DOK5: variants seen among roughly 807,000 people sequenced by gnomAD.
DOK5 encodes downstream of tyrosine kinase 5.
Under a neutral mutation model 43.3 loss-of-function variants are expected in DOK5, and 27 were observed. The observed-to-expected ratio is 0.62, with a 90% confidence interval of 0.46 to 0.86. DOK5 has a LOEUF of 0.86. Ranked by LOEUF, DOK5 falls within the 40% of genes least tolerant of loss-of-function variation. DOK5 has a pLI of 0.00. For missense variants in DOK5, 373 were observed against 392.9 expected, an observed-to-expected ratio of 0.95 and a Z score of 0.43; for synonymous variants, 146 against 140.1, an observed-to-expected ratio of 1.04 and a Z score of -0.30.
At chr20:54,494,538 T>C (rs913414654) in intron 1 of DOK5, among the ~76,000 whole-genome samples, 4 of 152,220 alleles carry the variant, frequency 2.6e-5, no homozygotes, top group African/African-American at 7.2e-5. Flanking sequence ...GAGCTGGTAC[T>C]TAGTTGGGTG....
At chr20:54,505,551 A>G (rs979916293) in intron 1 of DOK5, among the ~76,000 whole-genome samples, 10 of 152,158 alleles carry the variant, frequency 6.6e-5, no homozygotes, top group African/African-American at 2.2e-4. Flanking sequence ...CAGTTCAAGG[A>G]GGGAAACAGA....
At chr20:54,630,430 C>T (rs754598378) in intron 6 of DOK5, among the ~76,000 whole-genome samples, 18 of 152,024 alleles carry the variant, frequency 1.2e-4, no homozygotes, top group Middle Eastern at 3.2e-3. Context: ...GTATGAGGAG[C>T]GACAGTTCAG....
intron 6 of DOK5, among the ~76,000 whole-genome samples, chr20:54,630,208 G>A (rs2146815526): frequency 6.6e-6 from 1 of 152,312 alleles, no homozygotes; most frequent in South Asian, 2.1e-4. Context: ...ACGGACCAAG[G>A]TGGTGGTGAT....
At chr20:54,605,807 C>T (rs1432652753) in intron 5 of DOK5, among the ~76,000 whole-genome samples, 4 of 152,196 alleles carry the variant, frequency 2.6e-5, no homozygotes, top group South Asian at 2.1e-4. Flanking sequence ...ACAAAATCCC[C>T]GTCTACAGGG....
intron 6 of DOK5, among the ~76,000 whole-genome samples, chr20:54,638,046 C>T (rs60716261): frequency 0.1 from 14,754 of 147,386 alleles, 2,045 homozygotes; most frequent in African/African-American, 0.32. Context: ...GGTGTGAACC[C>T]GGGAGGCGGA....
chr20:54,504,924 T>A (rs1982750870), intron 1 of DOK5, among the ~76,000 whole-genome samples: 1 of 152,120 alleles, frequency 6.6e-6, no homozygotes, highest in African/African-American at 2.4e-5. Context: ...AGAGACCTCA[T>A]GACTTTGAGT....
intron 6 of DOK5, among the ~76,000 whole-genome samples, chr20:54,625,193 G>C (rs1987097862): frequency 6.6e-6 from 1 of 152,188 alleles, no homozygotes; most frequent in South Asian, 2.1e-4. Flanking sequence ...CCAAACATCT[G>C]TCAGAGCTGG....
intron 2 of DOK5, among the ~76,000 whole-genome samples, chr20:54,581,537 T>G (rs530208906): frequency 8.7e-4 from 132 of 152,032 alleles, no homozygotes; most frequent in African/African-American, 2.9e-3. Context: ...GCCTTTCAAT[T>G]TATCTGTGTC....
At position 54,591,597 on chromosome 20, in the gene DOK5, C is replaced by T. The variant is rs371582963; in HGVS notation, c.410-19C>T. 3.9e-5 allele frequency: 60 copies of T among 1,545,910 alleles called. No homozygotes were observed. The highest frequency in any genetic ancestry group is 4.9e-5 in the Non-Finnish European group (56 of 1,141,916). ...TTTATTCCTGGGGATTTTAGACTAA[C>T]CTTTTGTTTTTCTCCCAGAGAGATT... On this transcript the variant is annotated intron_variant, in intron 4 of 7. Transcript: ENST00000262593.
chr20:54,532,206 T>C (rs1026580046), intron 1 of DOK5, among the ~76,000 whole-genome samples: 1 of 152,134 alleles, frequency 6.6e-6, no homozygotes, highest in Non-Finnish European at 1.5e-5. Context: ...GACAACCCAG[T>C]GTGGTAGATA....
At chr20:54,644,129 A>T (rs1161777358) in intron 7 of DOK5, among the ~76,000 whole-genome samples, 1 of 152,182 alleles carries the variant, frequency 6.6e-6, no homozygotes, top group Non-Finnish European at 1.5e-5. Flanking sequence ...GTTTTGGTGG[A>T]TGGGGCCCTG....
In DOK5 at chr20:54,577,998, T is replaced by C. The variant is rs531555217; in HGVS notation, c.175-10485T>C. Among the ~76,000 whole-genome samples, 7 of 152,342 alleles carry C rather than the reference T, an allele frequency of 4.6e-5. No individual in the cohort carries two copies. The South Asian group carries it at 1.5e-3, about 32-fold the overall frequency. On this transcript the variant is annotated intron_variant, in intron 2 of 7. Coordinates refer to ENST00000262593, the MANE Select transcript of DOK5 (RefSeq NM_018431.5). ...ATCTAGGACAAAAAATGAAGGTTGC[T>C]GTGAGCTGCAGAATGTGCCTTTGGT...
intron 1 of DOK5, among the ~76,000 whole-genome samples, chr20:54,479,362 C>T (rs974570883): frequency 1.3e-5 from 2 of 151,900 alleles, no homozygotes; most frequent in African/African-American, 4.8e-5. Flanking sequence ...TCAGGAATGT[C>T]GACGTTACTA....
At chr20:54,576,432 C>A (rs148122932) in intron 2 of DOK5, among the ~76,000 whole-genome samples, 245 of 152,106 alleles carry the variant, frequency 1.6e-3, no homozygotes, top group African/African-American at 5.6e-3. Flanking sequence ...ATATGATATT[C>A]TATTTATATA....
intron 1 of DOK5, among the ~76,000 whole-genome samples, chr20:54,504,806 G>A (rs1366282647): frequency 6.6e-6 from 1 of 152,296 alleles, no homozygotes; most frequent in East Asian, 1.9e-4. Context: ...TGCATCAAAG[G>A]CTTGTTGGCT....
intron 5 of DOK5, among the ~76,000 whole-genome samples, chr20:54,609,115 A>C (rs1986562140): frequency 1.3e-5 from 2 of 152,230 alleles, no homozygotes; most frequent in Admixed American, 6.5e-5. Flanking sequence ...GCCAACTGCG[A>C]AACATTAGAT....
At chr20:54,648,940 T>G (rs530846198) in intron 7 of DOK5, among the ~76,000 whole-genome samples, 1 of 152,288 alleles carries the variant, frequency 6.6e-6, no homozygotes, top group African/African-American at 2.4e-5. Context: ...ATTGCTCCAG[T>G]GTTTTCCGAA....
At chr20:54,560,668 T>G (rs1312992586) in intron 2 of DOK5, among the ~76,000 whole-genome samples, 1 of 152,192 alleles carries the variant, frequency 6.6e-6, no homozygotes, top group Non-Finnish European at 1.5e-5. Flanking sequence ...TTGCCCAGGC[T>G]GGAGCGCAAT....
At chr20:54,551,260 A>C (rs1984520963) in intron 1 of DOK5, among the ~76,000 whole-genome samples, 3 of 151,870 alleles carry the variant, frequency 2.0e-5, no homozygotes, top group African/African-American at 7.3e-5. Context: ...TGTTTGTTTT[A>C]CTGTTGTGAT....
Sources: gnomAD v4.1 joint callset for allele counts (sites outside exome capture counted in the v4.1 genomes callset) on GRCh38, gnomAD v4.1.1 for gene constraint, MANE v1.5 for transcripts, NCBI Gene and HGNC (gene_info 2026-07-23, HGNC 2026-07-21) for gene names.